Variants in SSBP2 observed in about 807,000 individuals in gnomAD.
SSBP2 encodes single-stranded DNA-binding protein 2.
A neutral mutation model predicts 61.8 loss-of-function variants in SSBP2; 17 were observed. The observed-to-expected ratio is 0.28, with a 90% CI of 0.19 to 0.41. SSBP2 has a LOEUF of 0.41. Ranked by LOEUF, SSBP2 falls within the 10% of genes least tolerant of loss-of-function variation. The pLI is 1.00. For synonymous variants in SSBP2, 139 were observed against 141.3 expected, an observed-to-expected ratio of 0.98 and a Z score of 0.12; for missense variants, 310 against 458.7, an observed-to-expected ratio of 0.68 and a Z score of 2.96.
At chr5:81,721,692 C>A (rs1441080523) in intron 1 of SSBP2, among the ~76,000 whole-genome samples, 3 of 152,080 alleles carry the variant, frequency 2.0e-5, no homozygotes, top group Non-Finnish European at 4.4e-5. Flanking sequence ...GTAGCAAATT[C>A]AAAACCTGAA....
At chr5:81,542,793 T>A (rs1393625214) in intron 4 of SSBP2, among the ~76,000 whole-genome samples, 1 of 144,190 alleles carries the variant, frequency 6.9e-6, no homozygotes, top group African/African-American at 2.8e-5. Context: ...TGAAATCTGA[T>A]GGTTTTTATA....
intron 10 of SSBP2, among the ~76,000 whole-genome samples, chr5:81,449,117 G>A (rs979113455): frequency 1.1e-4 from 17 of 152,130 alleles, no homozygotes; most frequent in Non-Finnish European, 2.1e-4. Context: ...TACTTATTCT[G>A]TAAGTAGAAA....
At chr5:81,636,496 A>G (rs1581221409) in intron 3 of SSBP2, 61 bp downstream of exon 3, 17 of 1,268,588 alleles carry the variant, frequency 1.3e-5, no homozygotes, top group East Asian at 4.7e-5. Flanking sequence ...ATAAACAGGT[A>G]TAGTACAGGC....
At chr5:81,436,867 G>A (rs1762705064) in intron 15 of SSBP2, among the ~76,000 whole-genome samples, 1 of 152,088 alleles carries the variant, frequency 6.6e-6, no homozygotes, top group Non-Finnish European at 1.5e-5. Context: ...GAGGGAAAAT[G>A]CAAACACATA....
At chr5:81,549,723 T>C (rs1772027981) in intron 4 of SSBP2, among the ~76,000 whole-genome samples, 2 of 152,332 alleles carry the variant, frequency 1.3e-5, no homozygotes, top group South Asian at 2.1e-4. Context: ...TTAAGCAATG[T>C]TATTGAGAAA....
intron 6 of SSBP2, among the ~76,000 whole-genome samples, chr5:81,482,931 T>C (rs949387278): frequency 6.6e-6 from 1 of 152,188 alleles, no homozygotes; most frequent in Admixed American, 6.6e-5. Flanking sequence ...GATGTGCGAC[T>C]CTTCTTTTCA....
rs76949986 is a variant in SSBP2 at position 81,630,759 on chromosome 5, T to TA, written c.197+5797dup. Reference sequence around the variant, plus strand: ...AGCTGCACCGTCTGACAGCTAAGGTTAAAAAAAAAAAAAAAGCTACAGAAG... The same window carrying TA: ...AGCTGCACCGTCTGACAGCTAAGGTTAAAAAAAAAAAAAAAAGCTACAGAAG... On this transcript the variant is annotated intron_variant, in intron 3 of 16. Coordinates refer to ENST00000320672, the MANE Select transcript of SSBP2 (RefSeq NM_012446.5). Among the ~76,000 whole-genome samples the TA allele has an allele frequency of 6.8e-3, 892 of 130,856 alleles. 12 individuals carry two copies. The highest frequency in any genetic ancestry group is 0.014 in the South Asian group (59 of 4,098). 85.8% of individuals were successfully genotyped at this position (130,856 alleles called of 152,430 possible).
At chr5:81,433,592 T>TAAA (rs532034844) in intron 15 of SSBP2, among the ~76,000 whole-genome samples, 14,955 of 103,624 alleles carry the variant, frequency 0.14, 1,744 homozygotes, top group African/African-American at 0.36. Flanking sequence ...GAATGATCAA[T>TAAA]AAAAAAAAAA....
At chr5:81,530,007 A>G (rs912761820) in intron 4 of SSBP2, among the ~76,000 whole-genome samples, 4 of 152,110 alleles carry the variant, frequency 2.6e-5, no homozygotes, top group Non-Finnish European at 4.4e-5. Context: ...GTTAGGAAGA[A>G]AAGTAGACAG....
At chr5:81,474,731 C>T (rs1191549431) in intron 6 of SSBP2, among the ~76,000 whole-genome samples, 169 bp from the exon 7 acceptor site, 1 of 151,984 alleles carries the variant, frequency 6.6e-6, no homozygotes, top group African/African-American at 2.4e-5. Context: ...GGTTTATATA[C>T]CTTAAATAAG....
intron 1 of SSBP2, among the ~76,000 whole-genome samples, chr5:81,704,727 C>T (rs751386707): frequency 3.3e-5 from 4 of 121,096 alleles, no homozygotes; most frequent in African/African-American, 9.4e-5. Context: ...ACCCAGGAGG[C>T]GGAGGTTGCA....
chr5:81,646,814 A>G (rs146959422), intron 2 of SSBP2, among the ~76,000 whole-genome samples: 237 of 149,606 alleles, frequency 1.6e-3, no homozygotes, highest in African/African-American at 5.6e-3. Flanking sequence ...AGATTGTACT[A>G]TCACCTTAGG....
At chr5:81,704,093 G>C (rs1754193884) in intron 1 of SSBP2, among the ~76,000 whole-genome samples, 3 of 152,170 alleles carry the variant, frequency 2.0e-5, no homozygotes, top group Admixed American at 2.0e-4. Context: ...ACTGGCATTT[G>C]TGTTACCCAA....
chr5:81,473,159 T>C (rs182582115), intron 8 of SSBP2, among the ~76,000 whole-genome samples: 5 of 152,302 alleles, frequency 3.3e-5, no homozygotes, highest in East Asian at 3.9e-4. Context: ...GCAAATAACA[T>C]AGTTTGTTTA....
intron 4 of SSBP2, among the ~76,000 whole-genome samples, chr5:81,532,464 A>G (rs1209317718): frequency 2.0e-5 from 3 of 152,032 alleles, no homozygotes; most frequent in Non-Finnish European, 4.4e-5. Flanking sequence ...AACAGTAGAG[A>G]GAAAATGAAA....
At chr5:81,437,135 A>G (rs958159140) in intron 15 of SSBP2, among the ~76,000 whole-genome samples, 1 of 151,290 alleles carries the variant, frequency 6.6e-6, no homozygotes, top group Admixed American at 6.6e-5. Flanking sequence ...TGCTTTACAA[A>G]TAAGTAACAT....
At chr5:81,714,405 C>A (rs1309402248) in intron 1 of SSBP2, among the ~76,000 whole-genome samples, 6 of 152,082 alleles carry the variant, frequency 3.9e-5, no homozygotes, top group Non-Finnish European at 5.9e-5. Context: ...GATTTATAAT[C>A]CTTTGGGTAA....
chr5:81,545,171 C>T (rs1771634939), intron 4 of SSBP2, among the ~76,000 whole-genome samples: 1 of 152,020 alleles, frequency 6.6e-6, no homozygotes, highest in Admixed American at 6.5e-5. Flanking sequence ...TATAAGTATG[C>T]CTTATACAGT....
chr5:81,552,503 C>T (rs886874576), intron 4 of SSBP2, among the ~76,000 whole-genome samples: 4 of 151,656 alleles, frequency 2.6e-5, no homozygotes, highest in Admixed American at 6.6e-5. Flanking sequence ...CCAGGTGTGA[C>T]GACACATGCC....
Sources: gnomAD v4.1 joint callset for allele counts (sites outside exome capture counted in the v4.1 genomes callset) on GRCh38, gnomAD v4.1.1 for gene constraint, MANE v1.5 for transcripts, NCBI Gene and HGNC (gene_info 2026-07-23, HGNC 2026-07-21) for gene names.